The following KAZN variants were observed in gnomAD, a reference collection of about 807,000 sequenced individuals.
KAZN encodes the protein kazrin.
KAZN carries 40 observed loss-of-function variants against 87.4 expected under a neutral mutation model. The observed-to-expected ratio is 0.46, with a 90% CI of 0.36 to 0.60. The LOEUF (loss-of-function observed/expected upper bound fraction) is 0.60, where lower values mean the gene tolerates loss of function less well. Among genes scored for constraint, KAZN ranks in the 20% least tolerant of loss-of-function variants. The pLI is 0.00. For missense variants in KAZN, 898 were observed against 1,073.9 expected, an observed-to-expected ratio of 0.84 and a Z score of 2.29; for synonymous variants, 466 against 458.3, an observed-to-expected ratio of 1.02 and a Z score of -0.22.
intron 2 of KAZN, among the ~76,000 whole-genome samples, chr1:15,018,740 G>A (rs569210806): frequency 1.5e-4 from 23 of 152,172 alleles, no homozygotes; most frequent in Admixed American, 1.1e-3. Flanking sequence ...CCTGGGCCAC[G>A]GTGTCTGGTT....
chr1:13,995,219 C>CAAAAAAAAAAAAAAAAA (rs113600200), intron 1 of KAZN, among the ~76,000 whole-genome samples: 21 of 107,380 alleles, frequency 2.0e-4, no homozygotes, highest in East Asian at 1.4e-3. Context: ...TGCAATAAGG[C>CAAAAAAAAAAAAAAAAA]AAAAAAAAAA....
At chr1:14,465,438 G>T (rs866506164) in intron 2 of KAZN, among the ~76,000 whole-genome samples, 3 of 145,170 alleles carry the variant, frequency 2.1e-5, no homozygotes, top group Admixed American at 6.9e-5. Context: ...CAAGTCTCTC[G>T]CTTGACAGGG....
chr1:14,706,848 G>A (rs1036667760), intron 1 of KAZN, among the ~76,000 whole-genome samples: 5 of 152,152 alleles, frequency 3.3e-5, no homozygotes, highest in African/African-American at 1.2e-4. Flanking sequence ...TTCTCTTGTA[G>A]AGATGTATAC....
At chr1:15,063,549 T>C (rs771945768) in intron 6 of KAZN, 23 bp from the exon 7 acceptor site, 2 of 1,610,504 alleles carry the variant, frequency 1.2e-6, no homozygotes, top group Admixed American at 3.3e-5. Flanking sequence ...CTGTTTCATC[T>C]TCCTCTTCTC....
At position 15,049,665 on chromosome 1, in the gene KAZN, TTCTG is replaced by T. The variant is rs547264865; in HGVS notation, c.726+5512_726+5515del. Among the ~76,000 whole-genome samples the T allele has an allele frequency of 2.9e-3, 448 of 152,288 alleles. 2 individuals carry two copies. Among genetic ancestry groups the T allele is most frequent in the African/African-American group, 9.9e-3 (413 of 41,554 alleles). The stretch of plus-strand genomic sequence containing the variant: ...GAGTCCCAGTTTGGGTCCTGTTATT[TTCTG>T]TCTGTGTGACCCTTGACAAGGGACT... On this transcript the variant is annotated intron_variant, in intron 4 of 14. Transcript: ENST00000376030.
chr1:14,184,999 A>G lies in KAZN; in HGVS notation c.249+4407A>G, dbSNP rs1646274226. Among the ~76,000 whole-genome samples the G allele has an allele frequency of 6.6e-6, 1 of 152,118 alleles. No individual in the cohort carries two copies. ...GGCTGTCACTGGTACAGTTATCTGG[A>G]GCTTTCTAGCTGCTGCCGGCTTTAG... On this transcript the variant is annotated intron_variant, in intron 2 of 16. Transcript: ENST00000636203. This position sits in a 1 kb window ranked among gnomAD's most constrained non-coding sequence, Gnocchi z 4.2.
intron 2 of KAZN, among the ~76,000 whole-genome samples, chr1:14,971,392 T>C (rs1352633562): frequency 1.3e-5 from 2 of 152,104 alleles, no homozygotes; most frequent in African/African-American, 4.8e-5. Context: ...AGCGAGACTG[T>C]CTCAAACAAA....
At chr1:15,070,017 TTGA>T (rs1639435809) in intron 8 of KAZN, among the ~76,000 whole-genome samples, 2 of 152,290 alleles carry the variant, frequency 1.3e-5, no homozygotes, top group African/African-American at 4.8e-5. Flanking sequence ...CAGCCTGTCA[TTGA>T]TGAGAAAACA....
In KAZN at chr1:13,942,269, G is replaced by A. The variant is rs180701523; in HGVS notation, c.91+48513G>A. 7.9e-3 allele frequency among the ~76,000 whole-genome samples: 1,199 copies of A among 151,948 alleles called. 11 individuals are homozygous for A. The highest frequency in any genetic ancestry group is 0.026 in the African/African-American group (1,097 of 41,416). On this transcript the variant is annotated intron_variant, in intron 1 of 16. Coordinates refer to the KAZN transcript ENST00000636203. Reference sequence around the variant, plus strand: ...AAAATATAATTCACCGGCCAGGCGCGGTGGCTCACGCCTGTAATCCCAGCA... The same window carrying A: ...AAAATATAATTCACCGGCCAGGCGCAGTGGCTCACGCCTGTAATCCCAGCA...
At chr1:14,418,540 A>C (rs913028741) in intron 2 of KAZN, among the ~76,000 whole-genome samples, 2 of 152,198 alleles carry the variant, frequency 1.3e-5, no homozygotes, top group African/African-American at 4.8e-5. Flanking sequence ...AGAATATTGA[A>C]AATTAGGAAC....
intron 1 of KAZN, among the ~76,000 whole-genome samples, chr1:14,742,200 C>T (rs938940297): frequency 3.3e-5 from 5 of 152,160 alleles, no homozygotes; most frequent in Admixed American, 1.3e-4. Flanking sequence ...TGACCTTGTC[C>T]GTCCTGTTCA....
intron 2 of KAZN, among the ~76,000 whole-genome samples, chr1:14,536,137 G>A (rs1354725397): frequency 6.6e-6 from 1 of 152,206 alleles, no homozygotes; most frequent in Non-Finnish European, 1.5e-5. Context: ...CCGGGCATGA[G>A]TCACAAATAA....
chr1:14,041,751 C>A (rs148430591), intron 1 of KAZN, among the ~76,000 whole-genome samples: 1 of 152,222 alleles, frequency 6.6e-6, no homozygotes, highest in African/African-American at 2.4e-5. Context: ...GGACCTCCTT[C>A]CCTTGTAGTT....
At chr1:14,002,567 C>T (rs575213664) in intron 1 of KAZN, among the ~76,000 whole-genome samples, 1 of 152,286 alleles carries the variant, frequency 6.6e-6, no homozygotes, top group Non-Finnish European at 1.5e-5. Flanking sequence ...TCTTTTTGTT[C>T]CCGGTTTTGG....
chr1:14,491,901 T>C (rs1248308571), intron 2 of KAZN, among the ~76,000 whole-genome samples: 1 of 152,192 alleles, frequency 6.6e-6, no homozygotes, highest in African/African-American at 2.4e-5. Context: ...TTGCTTGTAT[T>C]ATTTAACTTT....
intron 1 of KAZN, among the ~76,000 whole-genome samples, chr1:14,105,574 C>T (rs902200344): frequency 6.6e-6 from 1 of 152,182 alleles, no homozygotes; most frequent in African/African-American, 2.4e-5. Flanking sequence ...AATGGCTTCA[C>T]CATTCTTGGA....
At chr1:14,531,672 A>G (rs1187112191) in intron 2 of KAZN, among the ~76,000 whole-genome samples, 4 of 152,166 alleles carry the variant, frequency 2.6e-5, no homozygotes. Context: ...TATCTTCCCA[A>G]GCTTCTCAAT....
chr1:14,073,621 G>C (rs1362208617), intron 1 of KAZN, among the ~76,000 whole-genome samples: 1 of 151,846 alleles, frequency 6.6e-6, no homozygotes, highest in Admixed American at 6.6e-5. Flanking sequence ...TCATTGTTCA[G>C]CTCCCACTTA....
intron 2 of KAZN, among the ~76,000 whole-genome samples, chr1:14,295,373 C>T (rs965447452): frequency 6.6e-6 from 1 of 152,168 alleles, no homozygotes; most frequent in Non-Finnish European, 1.5e-5. Flanking sequence ...CTGCCAGAAA[C>T]ATGGACCCTC....
Sources: allele counts gnomAD v4.1 joint callset (sites outside exome capture counted in the v4.1 genomes callset), GRCh38; gene constraint gnomAD v4.1.1; non-coding constraint Gnocchi (gnomAD v3.1); transcripts MANE v1.5; gene names NCBI Gene and HGNC (gene_info 2026-07-23, HGNC 2026-07-21).